Variants in COG5 observed in about 807,000 individuals in gnomAD.
COG5 encodes component of oligomeric golgi complex 5, also known as conserved oligomeric Golgi complex subunit 5.
A neutral mutation model predicts 110.4 loss-of-function variants in COG5; 86 were observed. The observed-to-expected ratio is 0.78, with a 90% CI of 0.65 to 0.93. The LOEUF is 0.93. Ranked by LOEUF, COG5 falls within the 40% of genes least tolerant of loss-of-function variation. The pLI, the probability that COG5 is intolerant of heterozygous loss-of-function variation, is 0.00. For synonymous variants in COG5, 360 were observed against 334.6 expected (o/e 1.08, Z -0.83); for missense variants, 1,077 against 987.0 (o/e 1.09, Z -1.22).
At chr7:107,448,364 T>C (rs557290699) in intron 6 of COG5, among the ~76,000 whole-genome samples, 2 of 152,026 alleles carry the variant, frequency 1.3e-5, no homozygotes, top group Admixed American at 1.3e-4. Flanking sequence ...TCTTTCTTTC[T>C]TTTTTTTGGC....
At chr7:107,360,717 C>T (rs984004715) in intron 10 of COG5, among the ~76,000 whole-genome samples, 1 of 152,224 alleles carries the variant, frequency 6.6e-6, no homozygotes, top group Non-Finnish European at 1.5e-5. Flanking sequence ...ACACCTGGAG[C>T]TGCCTGCCCT....
Position 107,521,443 on chromosome 7 carries a change from T to C in COG5, c.538+5794A>G, listed in dbSNP as rs1401343843. ...CATCTACAAGGAACTTACACAAATT[T>C]ACAAGGAAACAAACAAAAAATCACA... is the stretch of plus-strand genomic sequence containing the variant. On this transcript the variant is annotated intron_variant, in intron 6 of 21. Transcript: ENST00000297135. Among the ~76,000 whole-genome samples, 4 of 152,102 alleles carry C rather than the reference T, an allele frequency of 2.6e-5. No individual in the cohort carries two copies. In the East Asian group the frequency reaches 7.7e-4, roughly 29 times the overall value.
intron 1 of COG5, among the ~76,000 whole-genome samples, chr7:107,561,993 A>G (rs1803823303): frequency 6.6e-6 from 1 of 152,052 alleles, no homozygotes; most frequent in Non-Finnish European, 1.5e-5. Flanking sequence ...AAAAAGAAAG[A>G]AAGAAAGAAA....
chr7:107,476,608 A>G (rs549862770), intron 6 of COG5, among the ~76,000 whole-genome samples: 5 of 151,800 alleles, frequency 3.3e-5, no homozygotes, highest in African/African-American at 4.8e-5. Flanking sequence ...GGAACCTCAT[A>G]TCAAACAAAT....
chr7:107,460,104 A>G lies in COG5; in HGVS notation c.539-47472T>C, dbSNP rs1795897771. Among the ~76,000 whole-genome samples the G allele has an allele frequency of 1.3e-5, 2 of 152,138 alleles. 1 individual carries two copies. The highest frequency in any genetic ancestry group is 4.1e-4 in the South Asian group (2 of 4,832). On this transcript the variant is annotated intron_variant, in intron 6 of 21. Coordinates refer to ENST00000297135, the MANE Select transcript of COG5 (RefSeq NM_006348.5). ...TTGAAAAATCACCAAGTATTTAAAA[A>G]CTAGAAAAATACACTTGGCCGAGCA... is the stretch of plus-strand genomic sequence containing the variant.
chr7:107,453,115 G>C (rs1354347946), intron 6 of COG5, among the ~76,000 whole-genome samples: 1 of 152,184 alleles, frequency 6.6e-6, no homozygotes, highest in East Asian at 1.9e-4. Flanking sequence ...AGAATGTAAT[G>C]AATATTTGTT....
chr7:107,312,251 A>G (rs1584661927), intron 11 of COG5, among the ~76,000 whole-genome samples: 1 of 152,208 alleles, frequency 6.6e-6, no homozygotes. Flanking sequence ...AAATTAATAA[A>G]GACTTTAAAT....
chr7:107,256,866 C>T (rs1024519988), intron 15 of COG5, 72 bp from the exon 16 acceptor site: 2 of 1,016,626 alleles, frequency 2.0e-6, no homozygotes, highest in African/African-American at 3.1e-5. Flanking sequence ...TTGATCATAG[C>T]ATAATAAAGC....
rs1798482804 is a variant in COG5 at position 107,203,165 on chromosome 7, A to ATGTT, written c.*347_*350dup. ...GGCAGGGTTGGGGGAAGCAGGGTAC[A>ATGTT]TGTTATAACTTGATCATATCCCTTT... is the stretch of plus-strand genomic sequence containing the variant. On this transcript the variant is annotated 3_prime_UTR_variant, in exon 22 of 22. Coordinates refer to ENST00000297135, the MANE Select transcript of COG5 (RefSeq NM_006348.5). 3.3e-6 allele frequency: 1 copy of ATGTT among 299,908 alleles called. No individual in the cohort carries two copies. Among genetic ancestry groups the ATGTT allele is most frequent in the African/African-American group, 2.2e-5 (1 of 46,080 alleles). 18.6% of individuals were successfully genotyped at this position (299,908 alleles called of 1,614,324 possible).
chr7:107,345,387 T>C (rs994237316), intron 10 of COG5, among the ~76,000 whole-genome samples: 3 of 152,132 alleles, frequency 2.0e-5, no homozygotes, highest in African/African-American at 7.2e-5. Context: ...TCACTGACCT[T>C]AAATTTGTAA....
chr7:107,390,218 CT>C (rs1790519011), intron 7 of COG5, among the ~76,000 whole-genome samples: 1 of 152,088 alleles, frequency 6.6e-6, no homozygotes, highest in Non-Finnish European at 1.5e-5. Flanking sequence ...CGCTTATGGC[CT>C]TTATAGTCTC....
chr7:107,299,261 A>G (rs62482491), intron 11 of COG5, among the ~76,000 whole-genome samples: 4,142 of 152,260 alleles, frequency 0.027, 88 homozygotes, highest in South Asian at 0.073. Flanking sequence ...AAGATAAGTA[A>G]AATTGCCAAA....
intron 10 of COG5, among the ~76,000 whole-genome samples, chr7:107,332,167 G>C (rs950884839): frequency 6.7e-6 from 1 of 148,802 alleles, no homozygotes; most frequent in African/African-American, 2.4e-5. Context: ...TTTTCAGCAA[G>C]ATCTATGCTA....
chr7:107,518,894 A>T (rs867197338), intron 6 of COG5, among the ~76,000 whole-genome samples: 1 of 152,208 alleles, frequency 6.6e-6, no homozygotes, highest in Admixed American at 6.5e-5. Flanking sequence ...TCTAAAATCA[A>T]CCTCATAATT....
intron 5 of COG5, among the ~76,000 whole-genome samples, chr7:107,544,513 C>T (rs1046054366): frequency 2.0e-5 from 3 of 152,168 alleles, no homozygotes; most frequent in Admixed American, 2.0e-4. Context: ...GTCTGCAGAC[C>T]AAACCTCATG....
chr7:107,269,247 G>A lies in COG5; in HGVS notation c.1576-10864C>T, dbSNP rs111522357. Among the ~76,000 whole-genome samples the A allele has an allele frequency of 7.2e-5, 11 of 152,070 alleles. 3 individuals are homozygous for A. The highest frequency in any genetic ancestry group is 2.4e-4 in the African/African-American group (10 of 41,502). ...TCCCAGCACTTTGGGAGGCCGAGGCGGGGGGATCACGAGGTCACAAGATTG... is the reference window on the plus strand; with the variant it reads ...TCCCAGCACTTTGGGAGGCCGAGGCAGGGGGATCACGAGGTCACAAGATTG... On this transcript the variant is annotated intron_variant, in intron 14 of 21. Transcript: ENST00000297135.
intron 13 of COG5, among the ~76,000 whole-genome samples, chr7:107,282,275 G>C (rs745754069): frequency 6.6e-6 from 1 of 152,144 alleles, no homozygotes; most frequent in Non-Finnish European, 1.5e-5. Flanking sequence ...ACTAGCATAA[G>C]CATGATTCTT....
Position 107,401,453 on chromosome 7 carries a change from C to T in COG5, c.669+11049G>A, listed in dbSNP as rs558738110. 2.6e-5 allele frequency among the ~76,000 whole-genome samples: 4 copies of T among 152,046 alleles called. No individual in the cohort carries two copies. In the South Asian group the frequency reaches 8.3e-4, roughly 32 times the overall value. ...GTCATAAAGTTTATTTAATTGAATA[C>T]CAATGTACTCCACATCAGGTCTCCA... is the stretch of plus-strand genomic sequence containing the variant. On this transcript the variant is annotated intron_variant, in intron 7 of 21. Transcript: ENST00000297135.
chr7:107,438,484 G>A (rs1001739911), intron 6 of COG5, among the ~76,000 whole-genome samples: 13 of 152,120 alleles, frequency 8.5e-5, no homozygotes, highest in Admixed American at 4.6e-4. Context: ...TTTATCTTTC[G>A]TTGAGGTTTC....
Sources: allele counts gnomAD v4.1 joint callset (sites outside exome capture counted in the v4.1 genomes callset), GRCh38; gene constraint gnomAD v4.1.1; transcripts MANE v1.5; gene names NCBI Gene and HGNC (gene_info 2026-07-23, HGNC 2026-07-21).